Variants in TPR observed in about 807,000 individuals in gnomAD.
The protein encoded by TPR is translocated promoter region, nuclear basket protein.
Under a neutral mutation model 316.1 loss-of-function variants are expected in TPR, and 51 were observed. The observed-to-expected ratio is 0.16, with a 90% CI of 0.13 to 0.20. The LOEUF (loss-of-function observed/expected upper bound fraction) is 0.20, where lower values mean the gene tolerates loss of function less well. Ranked by LOEUF, TPR falls within the 10% of genes least tolerant of loss-of-function variation. The probability of loss-of-function intolerance (pLI) is 1.00; values close to 1 mark genes in which losing one functional copy is unlikely to be tolerated. For synonymous variants in TPR, 981 were observed against 914.7 expected, an observed-to-expected ratio of 1.07 and a Z score of -1.31; for missense variants, 2,272 against 2,754.8, an observed-to-expected ratio of 0.82 and a Z score of 3.92.
intron 24 of TPR, 48 bp downstream of exon 24, chr1:186,345,532 T>C: frequency 1.4e-6 from 2 of 1,406,466 alleles, no homozygotes; most frequent in Non-Finnish European, 2.0e-6. Context: ...ACTTCAAGAA[T>C]CATTCTCTAG....
chr1:186,328,638 A>G (rs1000579541), intron 39 of TPR, among the ~76,000 whole-genome samples: 1 of 152,170 alleles, frequency 6.6e-6, no homozygotes, highest in Non-Finnish European at 1.5e-5. Context: ...GTGAATAAAT[A>G]AGCTATTACC....
chr1:186,315,898 C>A (rs1429499147), intron 49 of TPR, among the ~76,000 whole-genome samples: 2 of 146,810 alleles, frequency 1.4e-5, no homozygotes, highest in African/African-American at 5.1e-5. Context: ...TAAGTAACTG[C>A]ACAGCTTTGA....
At chr1:186,350,704 G>A (rs1244170482) in intron 20 of TPR, among the ~76,000 whole-genome samples, 1 of 152,094 alleles carries the variant, frequency 6.6e-6, no homozygotes, top group African/African-American at 2.4e-5. Context: ...GAGAGTCCAG[G>A]GAGACCAAAG....
Position 186,314,774 on chromosome 1 carries a change from C to G in TPR, c.6941-50G>C, listed in dbSNP as rs878932447. 8.0e-6 allele frequency: 10 copies of G among 1,244,712 alleles called. No homozygotes were observed. In the South Asian group the frequency reaches 1.3e-4, roughly 16 times the overall value. 77.1% of individuals were successfully genotyped at this position (1,244,712 alleles called of 1,614,324 possible). ...AAAAGCAAGTGAAAAAATGAGAAAG[C>G]ATTTATAATGATACAAACTAATTAC... On this transcript the variant is annotated intron_variant, in intron 49 of 50. Coordinates refer to ENST00000367478, the MANE Select transcript of TPR (RefSeq NM_003292.3).
At chr1:186,374,634 A>C (rs1659649177) in intron 1 of TPR, among the ~76,000 whole-genome samples, 1 of 152,210 alleles carries the variant, frequency 6.6e-6, no homozygotes, top group Admixed American at 6.5e-5. Context: ...GAAGGAAAAT[A>C]AGCGTCCCTG....
chr1:186,332,617 T>C (rs1485645973), intron 37 of TPR, among the ~76,000 whole-genome samples: 5 of 152,130 alleles, frequency 3.3e-5, no homozygotes, highest in Non-Finnish European at 7.4e-5. Context: ...ATTTTTACAA[T>C]ATATCTGGTT....
chr1:186,357,735 T>G, intron 13 of TPR, 112 bp from the exon 14 acceptor site: 1 of 805,678 alleles, frequency 1.2e-6, no homozygotes, highest in Non-Finnish European at 1.9e-6. Flanking sequence ...CAACTTGTAC[T>G]GCCTCAAATT....
intron 29 of TPR, among the ~76,000 whole-genome samples, chr1:186,340,127 AAT>A (rs759943424): frequency 7.9e-5 from 12 of 152,216 alleles, no homozygotes; most frequent in Non-Finnish European, 1.6e-4. Flanking sequence ...CAAGAAAAAA[AAT>A]ATAGACAATG....
Position 186,326,117 on chromosome 1 carries a change from G to A in TPR, c.6008C>T (p.Ala2003Val). Residue 2003 changes from alanine to valine, a missense_variant, in exon 41 of 51, where the codon GCT becomes GTT. This residue lies in a region of TPR where 435 missense variants were observed against 461.1 expected (regional missense o/e 0.94). Transcript: ENST00000367478. ...GSADGNDGYE[A>V]DDAEGGDGTD... is the part of the protein sequence containing the mutation. Reference sequence around the variant, plus strand: ...CTAGCCAGTTACCTCAGCATCATCAGCTTCATAACCATCATTGCCATCGGC... The same window carrying A: ...CTAGCCAGTTACCTCAGCATCATCAACTTCATAACCATCATTGCCATCGGC... The A allele has an allele frequency of 6.2e-7, 1 of 1,613,700 alleles. No individual in the cohort carries two copies. The highest frequency in any genetic ancestry group is 1.7e-5 in the Admixed American group (1 of 59,966).
rs77159860 is a variant in TPR, at chr1:186,313,490, T to G, written c.*481A>C. 8,640 of 539,644 alleles carry G rather than the reference T, an allele frequency of 0.016. 593 individuals are homozygous for G. The highest frequency in any genetic ancestry group is 0.15 in the African/African-American group (7,843 of 52,852). The allele number at this position is 539,644 out of a possible 1,614,324, so 33.4% of individuals were successfully genotyped here. A position where few individuals can be genotyped will look rare whatever the true frequency, so the allele number is the denominator to read the frequency against. ...AAAAAGATGGTGAAATGTCAATCTT[T>G]TGAAACATCAAAAAAGCTGAAAAGT... On this transcript the variant is annotated 3_prime_UTR_variant, in exon 51 of 51. Coordinates refer to ENST00000367478, the MANE Select transcript of TPR (RefSeq NM_003292.3).
At position 186,312,307 on chromosome 1, in the gene TPR, G is replaced by A. The variant is rs759992615; in HGVS notation, c.*1664C>T. ...AGACGTCGCTTTGAACGTGCTATAGGACCTTCTCAAACACACACCATCAGA... is the reference window on the plus strand; with the variant it reads ...AGACGTCGCTTTGAACGTGCTATAGAACCTTCTCAAACACACACCATCAGA... On this transcript the variant is annotated 3_prime_UTR_variant, in exon 51 of 51. Coordinates refer to ENST00000367478, the MANE Select transcript of TPR (RefSeq NM_003292.3). 1 of 1,612,886 alleles carries A rather than the reference G, an allele frequency of 6.2e-7. No individual in the cohort carries two copies. Among genetic ancestry groups the A allele is most frequent in the South Asian group, 1.1e-5 (1 of 90,758 alleles).
intron 17 of TPR, 140 bp downstream of exon 17, chr1:186,355,269 AT>A: frequency 1.1e-6 from 1 of 878,502 alleles, no homozygotes; most frequent in East Asian, 2.6e-5. Context: ...TATGAAAAAA[AT>A]GAACTACCAG....
chr1:186,323,103 T>C (rs553401052), intron 43 of TPR, among the ~76,000 whole-genome samples: 3 of 152,320 alleles, frequency 2.0e-5, no homozygotes, highest in Admixed American at 2.0e-4. Context: ...TTACACATAC[T>C]ATTTTATAGG....
intron 49 of TPR, among the ~76,000 whole-genome samples, chr1:186,315,691 G>A (rs1657589177): frequency 6.6e-6 from 1 of 151,556 alleles, no homozygotes; most frequent in Admixed American, 6.6e-5. Flanking sequence ...TGGTATCCAT[G>A]ACAGCCAAGG....
rs895241253 is a variant in TPR, at chr1:186,312,501, A to C, written c.*1470T>G. 1.1e-5 allele frequency: 11 copies of C among 986,604 alleles called. No individual in the cohort carries two copies. The highest frequency in any genetic ancestry group is 1.5e-5 in the Non-Finnish European group (10 of 676,532). 61.1% of individuals were successfully genotyped at this position (986,604 alleles called of 1,614,324 possible). Reference sequence around the variant, plus strand: ...TAATAATTTAAGCTTACTGATGAAAAACTCATCCACTTGCCTTAGTGAATA... The same window carrying C: ...TAATAATTTAAGCTTACTGATGAAACACTCATCCACTTGCCTTAGTGAATA... On this transcript the variant is annotated 3_prime_UTR_variant, in exon 51 of 51. Coordinates refer to ENST00000367478, the MANE Select transcript of TPR (RefSeq NM_003292.3).
In TPR at chr1:186,374,517, T is replaced by C. The variant is rs147773379; in HGVS notation, c.151+361A>G. 4.1e-3 allele frequency among the ~76,000 whole-genome samples: 626 copies of C among 152,208 alleles called. 3 individuals are homozygous for C. The highest frequency in any genetic ancestry group is 0.012 in the Admixed American group (188 of 15,282). On this transcript the variant is annotated intron_variant, in intron 1 of 50. Transcript: ENST00000367478. ...GCCTAGAATGCAGGTGCCTAGAAAA[T>C]AGGGCGGAGCCACTATCAGTTGAAG...
chr1:186,312,852 A>G lies in TPR; in HGVS notation c.*1119T>C. Reference sequence around the variant, plus strand: ...TACCTCAGCTATATCACTGCCCAACATCAGAAAACCTGACGGCTATGATTA... The same window carrying G: ...TACCTCAGCTATATCACTGCCCAACGTCAGAAAACCTGACGGCTATGATTA... On this transcript the variant is annotated 3_prime_UTR_variant, in exon 51 of 51. Transcript: ENST00000367478. 2 of 1,612,790 alleles carry G rather than the reference A, an allele frequency of 1.2e-6. No individual in the cohort carries two copies. The highest frequency in any genetic ancestry group is 1.7e-6 in the Non-Finnish European group (2 of 1,178,782).
chr1:186,374,709 G>T (rs1220387871), intron 1 of TPR, among the ~76,000 whole-genome samples, 169 bp downstream of exon 1: 1 of 151,968 alleles, frequency 6.6e-6, no homozygotes. Flanking sequence ...TTTTTCAAAG[G>T]CTTCTTATCA....
intron 40 of TPR, among the ~76,000 whole-genome samples, 185 bp downstream of exon 40, chr1:186,327,270 ATATTT>A (rs1658018205): frequency 1.8e-4 from 1 of 5,544 alleles, no homozygotes; most frequent in Non-Finnish European, 3.5e-4. Context: ...TATAATATAT[ATATTT>A]ATATATAATA....
Sources: gnomAD v4.1 joint callset for allele counts (sites outside exome capture counted in the v4.1 genomes callset) on GRCh38, gnomAD v4.1.1 for gene constraint, gnomAD v4.1.1 regional missense constraint, MANE v1.5 for transcripts, NCBI Gene and HGNC (gene_info 2026-07-23, HGNC 2026-07-21) for gene names.